Variants in USH2A observed in about 807,000 individuals in gnomAD.
USH2A encodes the protein usherin, also known as Usher syndrome 2A (autosomal recessive, mild).
In USH2A, 443 loss-of-function variants were observed where a neutral mutation model predicts 538.9. The observed-to-expected ratio is 0.82, with a 90% CI of 0.76 to 0.89. USH2A has a LOEUF of 0.89. Ranked by LOEUF, USH2A falls within the 40% of genes least tolerant of loss-of-function variation. The pLI, the probability that USH2A is intolerant of heterozygous loss-of-function variation, is 0.00. For synonymous variants in USH2A, 2,413 were observed against 2,273.5 expected, an observed-to-expected ratio of 1.06 and a Z score of -1.75; for missense variants, 6,633 against 6,324.8, an observed-to-expected ratio of 1.05 and a Z score of -1.65.
chr1:215,917,086 C>T (rs1571810778), intron 38 of USH2A, among the ~76,000 whole-genome samples: 1 of 152,114 alleles, frequency 6.6e-6, no homozygotes, highest in Non-Finnish European at 1.5e-5. Flanking sequence ...AGAACTGTCA[C>T]TTTGTCAGAC....
chr1:215,765,356 C>G (rs995610338), intron 56 of USH2A, among the ~76,000 whole-genome samples: 1 of 152,046 alleles, frequency 6.6e-6, no homozygotes, highest in African/African-American at 2.4e-5. Context: ...TGGTGAGGAG[C>G]CATATGCCCC....
chr1:216,315,891 C>A (rs1001598518), intron 9 of USH2A, among the ~76,000 whole-genome samples: 1 of 152,028 alleles, frequency 6.6e-6, no homozygotes, highest in Non-Finnish European at 1.5e-5. Flanking sequence ...AAATATTTAA[C>A]TTTGTATGAA....
intron 44 of USH2A, among the ~76,000 whole-genome samples, chr1:215,851,097 G>A (rs567433817): frequency 6.6e-6 from 1 of 152,032 alleles, no homozygotes; most frequent in Admixed American, 6.6e-5. Context: ...AACTCAGAAA[G>A]ACCACAAATA....
intron 43 of USH2A, among the ~76,000 whole-genome samples, chr1:215,877,475 C>T (rs963102191): frequency 2.0e-5 from 3 of 152,190 alleles, no homozygotes; most frequent in South Asian, 4.2e-4. Context: ...TCTTCCATAA[C>T]GTTTTATGTC....
Position 215,681,383 on chromosome 1 carries a change from C to T in USH2A, c.12067-1007G>A, listed in dbSNP as rs535249139. On this transcript the variant is annotated intron_variant, in intron 61 of 71. Coordinates refer to ENST00000307340, the MANE Select transcript of USH2A (RefSeq NM_206933.4). ...CTGGCATTTTCTGTTGCGTACCATCCCCATTGGATATAAGAAATCATGAGA... is the reference window on the plus strand; with the variant it reads ...CTGGCATTTTCTGTTGCGTACCATCTCCATTGGATATAAGAAATCATGAGA... Among the ~76,000 whole-genome samples the T allele has an allele frequency of 3.3e-5, 5 of 151,874 alleles. No homozygotes were observed. The South Asian group carries it at 1.0e-3, about 32-fold the overall frequency.
intron 67 of USH2A, among the ~76,000 whole-genome samples, chr1:215,642,471 G>C (rs1558034605): frequency 6.6e-6 from 1 of 152,192 alleles, no homozygotes; most frequent in Non-Finnish European, 1.5e-5. Context: ...GTGCTCTCCA[G>C]TGGTGTGCTG....
At chr1:216,149,350 A>G (rs2102618558) in intron 21 of USH2A, among the ~76,000 whole-genome samples, 1 of 152,308 alleles carries the variant, frequency 6.6e-6, no homozygotes, top group Non-Finnish European at 1.5e-5. Context: ...ATAACGGACC[A>G]GCCTTTACTA....
intron 58 of USH2A, among the ~76,000 whole-genome samples, chr1:215,755,623 A>G (rs988422517): frequency 2.6e-5 from 4 of 152,164 alleles, no homozygotes; most frequent in African/African-American, 7.2e-5. Flanking sequence ...CTTATATTAT[A>G]TGGTTTCTGA....
intron 42 of USH2A, 48 bp from the exon 43 acceptor site, chr1:215,877,928 T>A (rs767322928): frequency 6.2e-7 from 1 of 1,612,406 alleles, no homozygotes; most frequent in East Asian, 2.2e-5. Flanking sequence ...CAACTCATAT[T>A]GAGATTACCA....
intron 30 of USH2A, among the ~76,000 whole-genome samples, chr1:216,050,605 T>TTTCTTTCTTTCC: frequency 1.8e-5 from 1 of 54,104 alleles, no homozygotes; most frequent in Non-Finnish European, 3.7e-5. Flanking sequence ...TCTTTCTTTC[T>TTTCTTTCTTTCC]TTTTTTTTTT....
At position 215,680,176 on chromosome 1, in the gene USH2A, T is replaced by C. The variant is rs1658178958; in HGVS notation, c.12267A>G (p.Glu4089=). The C allele has an allele frequency of 6.2e-7, 1 of 1,614,124 alleles. No individual in the cohort carries two copies. Among genetic ancestry groups the C allele is most frequent in the Non-Finnish European group, 8.5e-7 (1 of 1,180,000 alleles). The change falls in exon 62 of 72, where the codon GAA becomes GAG. Residue 4089 remains glutamate, a synonymous_variant. Transcript: ENST00000307340. ...NGRALLLQWS[E]PMRTNGVIKT... is the part of the protein sequence containing the mutation. ...TAATCACACCATTGGTTCTCATAGG[T>C]TCTGACCACTGTAGTAGCAATGCCC...
At position 216,327,775 on chromosome 1, in the gene USH2A, C is replaced by T. The variant is rs569131447; in HGVS notation, c.785-121G>A. ...TTAAAAAGATATTTATGTCACTGCCCTTTGAAACTTTTACAGATCAATCTC... is the reference window on the plus strand; with the variant it reads ...TTAAAAAGATATTTATGTCACTGCCTTTTGAAACTTTTACAGATCAATCTC... On this transcript the variant is annotated intron_variant, in intron 4 of 71. Coordinates refer to ENST00000307340, the MANE Select transcript of USH2A (RefSeq NM_206933.4). The T allele has an allele frequency of 4.2e-6, 5 of 1,189,612 alleles. No individual in the cohort carries two copies. In the East Asian group the frequency reaches 1.2e-4, roughly 29 times the overall value. The allele number at this position is 1,189,612 out of a possible 1,614,324, so 73.7% of individuals were successfully genotyped here.
intron 60 of USH2A, among the ~76,000 whole-genome samples, chr1:215,731,930 A>C (rs960767178): frequency 6.6e-6 from 1 of 152,216 alleles, no homozygotes; most frequent in African/African-American, 2.4e-5. Flanking sequence ...CCTTGGGTGA[A>C]CTTGCCTGTC....
At chr1:216,050,038 T>TTC (rs1315704228) in intron 30 of USH2A, among the ~76,000 whole-genome samples, 4 of 152,232 alleles carry the variant, frequency 2.6e-5, no homozygotes, top group African/African-American at 4.8e-5. Context: ...ACCTCCTGCT[T>TTC]TCTCTCATTC....
intron 64 of USH2A, among the ~76,000 whole-genome samples, chr1:215,667,880 A>G (rs1657683063): frequency 6.6e-6 from 1 of 152,216 alleles, no homozygotes; most frequent in African/African-American, 2.4e-5. Context: ...ACTGCCTTCA[A>G]TGATTTAACT....
chr1:215,873,868 T>C (rs1664686008), intron 43 of USH2A, among the ~76,000 whole-genome samples: 1 of 151,984 alleles, frequency 6.6e-6, no homozygotes, highest in Admixed American at 6.6e-5. Flanking sequence ...AGAACATACA[T>C]TCCTTCATAA....
rs1408818437 is a variant in USH2A, at chr1:215,674,448, G to A, written c.13463C>T (p.Thr4488Ile). The change falls in exon 63 of 72, where the codon ACA (threonine) becomes ATA (isoleucine). Residue 4488 changes from threonine (T) to isoleucine (I), a missense_variant. Coordinates refer to ENST00000307340, the MANE Select transcript of USH2A (RefSeq NM_206933.4). ...ATCACGATAGCGTGTTTCCAAGCCT[G>A]TATATACAATGGTTCCATCCCTCCT... is the stretch of plus-strand genomic sequence containing the variant. ...ELRRDGTIVY[T>I]GLETRYRDFT... is the part of the protein sequence containing the mutation. 5 of 1,614,040 alleles carry A rather than the reference G, an allele frequency of 3.1e-6. No individual in the cohort carries two copies. In the South Asian group the frequency reaches 4.4e-5, roughly 14 times the overall value.
intron 3 of USH2A, among the ~76,000 whole-genome samples, chr1:216,387,226 C>G (rs2039022854): frequency 6.6e-6 from 1 of 152,182 alleles, no homozygotes; most frequent in Non-Finnish European, 1.5e-5. Flanking sequence ...AAATTGGTTA[C>G]AAGGAAAACA....
In USH2A at chr1:215,675,523, G is replaced by C. The variant is rs1241379646; in HGVS notation, c.12388C>G (p.Leu4130Val). 2 of 1,614,052 alleles carry C rather than the reference G, an allele frequency of 1.2e-6. No individual in the cohort carries two copies. Among genetic ancestry groups the C allele is most frequent in the Non-Finnish European group, 8.5e-7 (1 of 1,179,996 alleles). ...RRLDPFTLYT[L>V]TLEACTRAGC... ...GCTCTGGTGCAGGCCTCCAGGGTCAGTGTGTAGAGAGTGAAAGGATCCAGG... is the reference window on the plus strand; with the variant it reads ...GCTCTGGTGCAGGCCTCCAGGGTCACTGTGTAGAGAGTGAAAGGATCCAGG... Residue 4130 changes from leucine to valine, a missense_variant, in exon 63 of 72, where the codon CTG becomes GTG. Physicochemically the swap from Leu to Val is conservative, Grantham distance 32. Coordinates refer to ENST00000307340, the MANE Select transcript of USH2A (RefSeq NM_206933.4).
Sources: allele counts gnomAD v4.1 joint callset (sites outside exome capture counted in the v4.1 genomes callset), GRCh38; gene constraint gnomAD v4.1.1; transcripts MANE v1.5; gene names NCBI Gene and HGNC (gene_info 2026-07-23, HGNC 2026-07-21).